Variants in EPB41 observed in about 807,000 individuals in gnomAD.
EPB41 encodes erythrocyte membrane protein band 4.1.
A neutral mutation model predicts 108.0 loss-of-function variants in EPB41; 65 were observed. The observed-to-expected ratio is 0.60, with a 90% confidence interval of 0.49 to 0.74. The LOEUF (loss-of-function observed/expected upper bound fraction) is 0.74, where lower values mean the gene tolerates loss of function less well. EPB41 is among the 30% of genes least tolerant of loss of function. EPB41 has a pLI of 0.00. For synonymous variants in EPB41, 336 were observed against 358.9 expected (o/e 0.94, Z 0.72); for missense variants, 875 against 1,037.0 (o/e 0.84, Z 2.15).
intron 17 of EPB41, among the ~76,000 whole-genome samples, chr1:29,108,322 AT>A (rs1379588404): frequency 1.4e-5 from 2 of 145,008 alleles, no homozygotes; most frequent in African/African-American, 2.5e-5. Flanking sequence ...CTAATTTTGT[AT>A]TTTTAGTAGA....
chr1:28,977,392 T>TTCTTTTC (rs2095632274), intron 1 of EPB41, among the ~76,000 whole-genome samples: 1 of 125,668 alleles, frequency 8.0e-6, no homozygotes, highest in African/African-American at 3.7e-5. Context: ...CAGTATGTTT[T>TTCTTTTC]TCTTTTTTTT....
At chr1:28,936,121 C>T (rs1210895686) in intron 1 of EPB41, among the ~76,000 whole-genome samples, 2 of 152,160 alleles carry the variant, frequency 1.3e-5, no homozygotes, top group African/African-American at 4.8e-5. Context: ...TTTCTTCATT[C>T]TTATCTTAGG....
intron 4 of EPB41, among the ~76,000 whole-genome samples, chr1:29,010,106 G>C (rs1361739424): frequency 6.6e-6 from 1 of 152,068 alleles, no homozygotes; most frequent in Non-Finnish European, 1.5e-5. Flanking sequence ...GGAGGCCGAG[G>C]TGGGCAGATC....
chr1:28,960,535 C>T (rs548042517), intron 1 of EPB41, among the ~76,000 whole-genome samples: 8 of 127,982 alleles, frequency 6.3e-5, no homozygotes, highest in African/African-American at 9.1e-5. Context: ...TGAGACCAGT[C>T]GGGCAATGTA....
intron 1 of EPB41, 55 bp from the exon 2 acceptor site, chr1:28,987,376 A>G (rs1420079867): frequency 6.6e-6 from 10 of 1,508,866 alleles, no homozygotes; most frequent in African/African-American, 1.4e-5. Context: ...GGGTTTTGCC[A>G]ACAGTAATGT....
chr1:28,943,717 A>G (rs2094388512), intron 1 of EPB41, among the ~76,000 whole-genome samples: 1 of 152,144 alleles, frequency 6.6e-6, no homozygotes, highest in African/African-American at 2.4e-5. Flanking sequence ...GCAATAACAA[A>G]TGCTGGCAAG....
intron 1 of EPB41, among the ~76,000 whole-genome samples, chr1:28,977,460 T>G (rs182560765): frequency 6.6e-6 from 1 of 151,960 alleles, no homozygotes; most frequent in African/African-American, 2.4e-5. Context: ...TTAAAACAAG[T>G]ATATCTTTGA....
intron 3 of EPB41, among the ~76,000 whole-genome samples, chr1:28,994,633 T>TTTTATTTA (rs71586878): frequency 0.27 from 37,341 of 139,698 alleles, 5,713 homozygotes; most frequent in Non-Finnish European, 0.32. Flanking sequence ...GAACAAACTA[T>TTTTATTTA]TTTATTTATT....
chr1:28,932,644 T>C (rs1368873441), intron 1 of EPB41, among the ~76,000 whole-genome samples: 3 of 152,190 alleles, frequency 2.0e-5, no homozygotes, highest in South Asian at 4.1e-4. Context: ...TAGATATTCT[T>C]GTTTTGTCAG....
chr1:28,968,715 G>A (rs1480704475), intron 1 of EPB41, among the ~76,000 whole-genome samples: 4 of 152,040 alleles, frequency 2.6e-5, no homozygotes, highest in South Asian at 4.1e-4. Context: ...TATAATCCCA[G>A]CGCTTTGGGA....
At chr1:28,924,561 G>A (rs568121205) in intron 1 of EPB41, among the ~76,000 whole-genome samples, 9 of 152,096 alleles carry the variant, frequency 5.9e-5, no homozygotes, top group African/African-American at 2.2e-4. Context: ...CCAAGCCAGA[G>A]TCACCTAGCT....
At chr1:28,961,772 G>C (rs558282941) in intron 1 of EPB41, among the ~76,000 whole-genome samples, 12 of 152,214 alleles carry the variant, frequency 7.9e-5, no homozygotes, top group African/African-American at 2.6e-4. Flanking sequence ...CATCACTCAA[G>C]TTTGATTCTT....
At chr1:28,929,380 C>T (rs942402138) in intron 1 of EPB41, among the ~76,000 whole-genome samples, 2 of 151,416 alleles carry the variant, frequency 1.3e-5, no homozygotes, top group South Asian at 2.1e-4. Context: ...TGCCTGCCAC[C>T]GTGCCCGGCT....
chr1:28,988,724 C>T (rs775055311), intron 2 of EPB41, among the ~76,000 whole-genome samples: 2 of 152,112 alleles, frequency 1.3e-5, no homozygotes, highest in Non-Finnish European at 2.9e-5. Flanking sequence ...CAGTTACTTA[C>T]ACTTTATATG....
At chr1:29,098,617 T>C (rs1374909848) in intron 17 of EPB41, among the ~76,000 whole-genome samples, 2 of 152,282 alleles carry the variant, frequency 1.3e-5, no homozygotes, top group Admixed American at 1.3e-4. Context: ...AAACCTGAGT[T>C]CAAGTCCTGG....
At chr1:29,092,445 A>G (rs1661609081) in intron 16 of EPB41, among the ~76,000 whole-genome samples, 1 of 152,044 alleles carries the variant, frequency 6.6e-6, no homozygotes, top group Non-Finnish European at 1.5e-5. Flanking sequence ...AATATGGTCA[A>G]AGGCTCTTAC....
At chr1:28,899,608 G>A (rs538504250) in intron 1 of EPB41, among the ~76,000 whole-genome samples, 1 of 152,114 alleles carries the variant, frequency 6.6e-6, no homozygotes, top group Non-Finnish European at 1.5e-5. Flanking sequence ...ACCATCCTCG[G>A]GAGCTAGGAT....
chr1:29,029,337 C>T (rs112185333), intron 7 of EPB41, among the ~76,000 whole-genome samples: 65 of 152,226 alleles, frequency 4.3e-4, no homozygotes, highest in African/African-American at 1.5e-3. Context: ...AAATCAGTAG[C>T]AAATCTGCAC....
Position 29,018,529 on chromosome 1 carries a change from G to C in EPB41, c.1124+87G>C, listed in dbSNP as rs1420054448. Reference sequence around the variant, plus strand: ...GTATTGGTTCATTGTTTGCCTAAGAGGGATCATGGTGCCATAGAAAGAGTC... The same window carrying C: ...GTATTGGTTCATTGTTTGCCTAAGACGGATCATGGTGCCATAGAAAGAGTC... On this transcript the variant is annotated intron_variant, in intron 7 of 20. Transcript: ENST00000343067. This position sits in a 1 kb window ranked among gnomAD's most constrained non-coding sequence, Gnocchi z 4.4. 1 of 1,314,460 alleles carries C rather than the reference G, an allele frequency of 7.6e-7. No homozygotes were observed. The highest frequency in any genetic ancestry group is 1.1e-6 in the Non-Finnish European group (1 of 911,594). 81.4% of individuals were successfully genotyped at this position (1,314,460 alleles called of 1,614,324 possible). A position where few individuals can be genotyped will look rare whatever the true frequency, so the allele number is the denominator to read the frequency against.
Sources: gnomAD v4.1 joint callset for allele counts (sites outside exome capture counted in the v4.1 genomes callset) on GRCh38, gnomAD v4.1.1 for gene constraint, Gnocchi (gnomAD v3.1) non-coding constraint, MANE v1.5 for transcripts, NCBI Gene and HGNC (gene_info 2026-07-23, HGNC 2026-07-21) for gene names.